EPHA3: variants seen among roughly 807,000 people sequenced by gnomAD.
The protein encoded by EPHA3 is EPH receptor A3, also known as ephrin type-A receptor 3.
Under a neutral mutation model 107.1 loss-of-function variants are expected in EPHA3, and 42 were observed. That is an observed-to-expected ratio of 0.39 (90% CI 0.31 to 0.51). The LOEUF is 0.51. EPHA3 is among the 20% of genes least tolerant of loss of function. The pLI is 0.78. For missense variants in EPHA3, 1,183 were observed against 1,211.2 expected (o/e 0.98, Z 0.35); for synonymous variants, 461 against 424.8 (o/e 1.09, Z -1.05).
rs1347794082 is a variant in EPHA3, at chr3:89,169,584, T to C, written c.154-40276T>C. Reference sequence around the variant, plus strand: ...GTAACTCTTACCCATAATGAAGAGATAAAAAATCACACAGGTGACCATACA... The same window carrying C: ...GTAACTCTTACCCATAATGAAGAGACAAAAAATCACACAGGTGACCATACA... On this transcript the variant is annotated intron_variant, in intron 2 of 16. Coordinates refer to ENST00000336596, the MANE Select transcript of EPHA3 (RefSeq NM_005233.6). Among the ~76,000 whole-genome samples the C allele has an allele frequency of 3.9e-5, 6 of 152,290 alleles. No individual in the cohort carries two copies. In the East Asian group the frequency reaches 7.7e-4, roughly 20 times the overall value.
intron 2 of EPHA3, among the ~76,000 whole-genome samples, chr3:89,131,002 A>G (rs1416613963): frequency 6.6e-6 from 1 of 152,318 alleles, no homozygotes; most frequent in East Asian, 1.9e-4. Flanking sequence ...ATGATACTAC[A>G]TATATTATTA....
At chr3:89,446,159 G>GTAAT (rs1709872782) in intron 13 of EPHA3, among the ~76,000 whole-genome samples, 1 of 152,246 alleles carries the variant, frequency 6.6e-6, no homozygotes, top group Admixed American at 6.5e-5. Context: ...TAGACCACAT[G>GTAAT]TAATTGGGAA....
intron 3 of EPHA3, among the ~76,000 whole-genome samples, chr3:89,237,203 C>T (rs1325876130): frequency 1.3e-5 from 2 of 152,162 alleles, no homozygotes; most frequent in East Asian, 3.9e-4. Context: ...AACCCTGTCT[C>T]TACTAAAAAT....
chr3:89,455,315 C>T (rs1384314518), intron 15 of EPHA3, among the ~76,000 whole-genome samples: 6 of 152,072 alleles, frequency 3.9e-5, no homozygotes, highest in African/African-American at 1.2e-4. Flanking sequence ...GTAACCTCCT[C>T]CTCACCAAAA....
At chr3:89,331,755 A>T (rs1002455944) in intron 3 of EPHA3, among the ~76,000 whole-genome samples, 2 of 152,118 alleles carry the variant, frequency 1.3e-5, no homozygotes, top group Non-Finnish European at 2.9e-5. Flanking sequence ...TTGATTGGTA[A>T]CCAAACCTCA....
At chr3:89,248,736 ATT>A (rs1705095897) in intron 3 of EPHA3, among the ~76,000 whole-genome samples, 2 of 152,180 alleles carry the variant, frequency 1.3e-5, no homozygotes, top group Non-Finnish European at 2.9e-5. Context: ...AATTCCAGGC[ATT>A]ATATCCAGAA....
chr3:89,146,465 C>T (rs1345062641), intron 2 of EPHA3, among the ~76,000 whole-genome samples: 1 of 151,902 alleles, frequency 6.6e-6, no homozygotes, highest in Non-Finnish European at 1.5e-5. Context: ...TGTTCATATC[C>T]TTTGCCAACT....
Position 89,221,909 on chromosome 3 carries a change from G to A in EPHA3, c.814+11389G>A, listed in dbSNP as rs116104365. On this transcript the variant is annotated intron_variant, in intron 3 of 16. Transcript: ENST00000336596. ...ATGGTTGGAGAAATTGGTTATAAGA[G>A]TTGAGAAAAAAAAGATTGGCAATGG... Among the ~76,000 whole-genome samples the A allele has an allele frequency of 5.5e-3, 833 of 152,090 alleles. 7 individuals are homozygous for A. Among genetic ancestry groups the A allele is most frequent in the African/African-American group, 0.019 (779 of 41,490 alleles).
intron 5 of EPHA3, among the ~76,000 whole-genome samples, chr3:89,387,477 A>G (rs114833390): frequency 0.016 from 2,437 of 152,288 alleles, 69 homozygotes; most frequent in African/African-American, 0.055. Flanking sequence ...CTGAGTAACT[A>G]TGTCAATTAA....
At chr3:89,139,571 A>AT (rs1704384561) in intron 2 of EPHA3, among the ~76,000 whole-genome samples, 1 of 151,816 alleles carries the variant, frequency 6.6e-6, no homozygotes, top group Non-Finnish European at 1.5e-5. Context: ...AGCTGCTTCC[A>AT]TTTTCCATTA....
chr3:89,215,561 T>A (rs1432736376), intron 3 of EPHA3, among the ~76,000 whole-genome samples: 1 of 151,918 alleles, frequency 6.6e-6, no homozygotes, highest in Non-Finnish European at 1.5e-5. Context: ...AGGAGAAATA[T>A]GTCTGTGGTT....
At chr3:89,399,100 A>C (rs1409007091) in intron 6 of EPHA3, among the ~76,000 whole-genome samples, 1 of 151,934 alleles carries the variant, frequency 6.6e-6, no homozygotes, top group Non-Finnish European at 1.5e-5. Flanking sequence ...ACTGCACTCC[A>C]GCCTGGTGAC....
intron 3 of EPHA3, among the ~76,000 whole-genome samples, chr3:89,216,131 T>A (rs975609484): frequency 2.0e-5 from 3 of 151,964 alleles, no homozygotes; most frequent in African/African-American, 7.2e-5. Context: ...AAATAATGTG[T>A]CCATTAAGCA....
At chr3:89,339,787 C>A (rs1227107283) in intron 3 of EPHA3, among the ~76,000 whole-genome samples, 1 of 152,044 alleles carries the variant, frequency 6.6e-6, no homozygotes, top group Non-Finnish European at 1.5e-5. Flanking sequence ...ATCTATAGGG[C>A]CTATTCTGTA....
chr3:89,471,727 C>CTGTG (rs762325101), intron 15 of EPHA3, among the ~76,000 whole-genome samples: 3 of 150,760 alleles, frequency 2.0e-5, no homozygotes, highest in Admixed American at 2.0e-4. Context: ...CTCTGAGTCT[C>CTGTG]TGTGTGTGTG....
intron 2 of EPHA3, among the ~76,000 whole-genome samples, chr3:89,191,173 C>T (rs1705705777): frequency 6.6e-6 from 1 of 152,082 alleles, no homozygotes; most frequent in African/African-American, 2.4e-5. Flanking sequence ...TACATTTGAG[C>T]CACAGTGCTT....
At chr3:89,275,670 A>G (rs949551986) in intron 3 of EPHA3, among the ~76,000 whole-genome samples, 1 of 152,062 alleles carries the variant, frequency 6.6e-6, no homozygotes, top group African/African-American at 2.4e-5. Context: ...AAATTCTTCA[A>G]TATTTTCCAC....
chr3:89,252,899 A>C (rs1322750146), intron 3 of EPHA3, among the ~76,000 whole-genome samples: 1 of 150,360 alleles, frequency 6.7e-6, no homozygotes, highest in Non-Finnish European at 1.5e-5. Flanking sequence ...ATTTAATGGA[A>C]TAGTATAAAA....
intron 3 of EPHA3, among the ~76,000 whole-genome samples, chr3:89,239,520 G>A (rs1036302716): frequency 2.6e-5 from 4 of 152,178 alleles, no homozygotes; most frequent in South Asian, 2.1e-4. Context: ...GCCACTATTT[G>A]TGCAGTATAT....
Sources: allele counts gnomAD v4.1 joint callset (sites outside exome capture counted in the v4.1 genomes callset), GRCh38; gene constraint gnomAD v4.1.1; transcripts MANE v1.5; gene names NCBI Gene and HGNC (gene_info 2026-07-23, HGNC 2026-07-21).